SLC37A1: variants seen among roughly 807,000 people sequenced by gnomAD.
SLC37A1 encodes the protein solute carrier family 37 member 1, also known as glucose-6-phosphate exchanger SLC37A1.
SLC37A1 carries 49 observed loss-of-function variants against 75.3 expected under a neutral mutation model. The ratio of observed to expected loss-of-function variants is 0.65; its 90% confidence interval spans 0.52 to 0.83. The LOEUF is 0.83. Among genes scored for constraint, SLC37A1 ranks in the 40% least tolerant of loss-of-function variants. The pLI is 0.00. For synonymous variants in SLC37A1, 268 were observed against 292.1 expected (o/e 0.92, Z 0.84); for missense variants, 566 against 695.0 (o/e 0.81, Z 2.09).
rs539175665 is a variant in SLC37A1, at chr21:42,543,418, T to C, written c.564-18T>C. 2 of 1,614,178 alleles carry C rather than the reference T, an allele frequency of 1.2e-6. No homozygotes were observed. The highest frequency in any genetic ancestry group is 1.7e-5 in the Admixed American group (1 of 60,034). On this transcript the variant is annotated intron_variant, in intron 7 of 19. Coordinates refer to ENST00000352133, the MANE Select transcript of SLC37A1 (RefSeq NM_001320537.2). ...CTTCTCAGCTCCATCTTCTGTCTTC[T>C]GTTTTGTTGTGCTGCAGGAGAGGTT...
At position 42,530,654 on chromosome 21, in the gene SLC37A1, A is replaced by ACACACACCCCCCC. The variant is rs1161313598; in HGVS notation, c.139-4043_139-4042insACACACCCCCCCC. 2.8e-4 allele frequency among the ~76,000 whole-genome samples: 10 copies of ACACACACCCCCCC among 35,892 alleles called. 1 individual carries two copies. The highest frequency in any genetic ancestry group is 4.7e-4 in the Non-Finnish European group (9 of 19,104). 23.5% of individuals were successfully genotyped at this position (35,892 alleles called of 152,430 possible). ...CACACACACACACACACACACACAC[A>ACACACACCCCCCC]CCCCCTCTGTGTTGGCTGAAGGTGG... On this transcript the variant is annotated intron_variant, in intron 3 of 19. Coordinates refer to ENST00000352133, the MANE Select transcript of SLC37A1 (RefSeq NM_001320537.2).
intron 17 of SLC37A1, among the ~76,000 whole-genome samples, chr21:42,570,620 G>T (rs1243194692): frequency 6.6e-6 from 1 of 152,246 alleles, no homozygotes; most frequent in Non-Finnish European, 1.5e-5. Context: ...TGACTCTGCT[G>T]TGAAACCCTG....
upstream of SLC37A1, among the ~76,000 whole-genome samples, chr21:42,511,618 T>C (rs2054433943): frequency 6.6e-6 from 1 of 152,160 alleles, no homozygotes; most frequent in South Asian, 2.1e-4. Flanking sequence ...AGACCCTGTG[T>C]CTACAAAATT....
intron 8 of SLC37A1, among the ~76,000 whole-genome samples, chr21:42,546,110 C>G (rs189936424): frequency 6.6e-6 from 1 of 152,170 alleles, no homozygotes; most frequent in African/African-American, 2.4e-5. Context: ...CCAGTTTCAT[C>G]CAAGGTGATA....
Position 42,580,445 on chromosome 21 carries a change from T to G in SLC37A1, c.*85T>G, listed in dbSNP as rs1181946369. On this transcript the variant is annotated 3_prime_UTR_variant, in exon 20 of 20. Coordinates refer to ENST00000352133, the MANE Select transcript of SLC37A1 (RefSeq NM_001320537.2). Reference sequence around the variant, plus strand: ...GACAGTTCAGACAAAGGGCCCTGCATGGAAAGAGTGACCTCCCTTTGCCTT... The same window carrying G: ...GACAGTTCAGACAAAGGGCCCTGCAGGGAAAGAGTGACCTCCCTTTGCCTT... 2 of 1,460,920 alleles carry G rather than the reference T, an allele frequency of 1.4e-6. No homozygotes were observed. Among genetic ancestry groups the G allele is most frequent in the African/African-American group, 2.8e-5 (2 of 71,284 alleles). The allele number at this position is 1,460,920 out of a possible 1,614,324, so 90.5% of individuals were successfully genotyped here.
upstream of SLC37A1, among the ~76,000 whole-genome samples, chr21:42,510,703 A>G (rs1042665601): frequency 7.2e-5 from 11 of 152,202 alleles, no homozygotes; most frequent in African/African-American, 2.7e-4. Context: ...CCAAATAGAG[A>G]GCAAAAAAGA....
intron 14 of SLC37A1, 57 bp downstream of exon 14, chr21:42,564,850 T>G: frequency 6.7e-7 from 1 of 1,489,688 alleles, no homozygotes; most frequent in Non-Finnish European, 9.2e-7. Context: ...CCCACTGTCC[T>G]CCTCGCCAGC....
At chr21:42,560,217 T>A (rs1479130310) in intron 11 of SLC37A1, among the ~76,000 whole-genome samples, 1 of 152,166 alleles carries the variant, frequency 6.6e-6, no homozygotes, top group Non-Finnish European at 1.5e-5. Flanking sequence ...TCTAAGGAGC[T>A]GTGCACAGGG....
chr21:42,562,726 G>A (rs2055862589), intron 12 of SLC37A1, among the ~76,000 whole-genome samples: 1 of 152,138 alleles, frequency 6.6e-6, no homozygotes, highest in Non-Finnish European at 1.5e-5. Flanking sequence ...GAGATGAACA[G>A]TGCTTAAGGG....
At chr21:42,576,020 T>A in intron 18 of SLC37A1, 1 of 917,032 alleles carries the variant, frequency 1.1e-6, no homozygotes, top group Non-Finnish European at 1.3e-6. Context: ...TTTTGATGCT[T>A]AGCCAAACTC....
chr21:42,553,829 T>C (rs373085483), intron 9 of SLC37A1, among the ~76,000 whole-genome samples: 67 of 152,368 alleles, frequency 4.4e-4, no homozygotes, highest in African/African-American at 1.6e-3. Context: ...TATTTTTACA[T>C]TTGATTACAC....
chr21:42,542,605 C>T (rs549713739), intron 7 of SLC37A1, 125 bp downstream of exon 7: 118 of 915,128 alleles, frequency 1.3e-4, no homozygotes, highest in Non-Finnish European at 1.8e-4. Flanking sequence ...TGGCTGAAAC[C>T]TCTGGGGCTT....
intron 7 of SLC37A1, 87 bp from the exon 8 acceptor site, chr21:42,543,349 C>T: frequency 1.3e-6 from 2 of 1,512,816 alleles, no homozygotes; most frequent in Non-Finnish European, 1.8e-6. Flanking sequence ...CGACTCCCTA[C>T]TTTGCAGGCA....
At chr21:42,524,947 C>T (rs538047368) in intron 2 of SLC37A1, among the ~76,000 whole-genome samples, 5 of 152,148 alleles carry the variant, frequency 3.3e-5, no homozygotes, top group African/African-American at 9.7e-5. Flanking sequence ...GGACTCCACC[C>T]GTGGACCTCT....
At chr21:42,518,848 A>G (rs1337606258) in intron 2 of SLC37A1, among the ~76,000 whole-genome samples, 2 of 152,254 alleles carry the variant, frequency 1.3e-5, no homozygotes, top group African/African-American at 4.8e-5. Context: ...TAACTTATAT[A>G]TAAGTTACAC....
chr21:42,516,043 G>A (rs1460220073), intron 1 of SLC37A1, among the ~76,000 whole-genome samples: 1 of 152,216 alleles, frequency 6.6e-6, no homozygotes, highest in Non-Finnish European at 1.5e-5. Context: ...GCAGGCATGA[G>A]CCACCATGCC....
intron 2 of SLC37A1, among the ~76,000 whole-genome samples, chr21:42,507,350 T>G (rs1049889132): frequency 5.3e-5 from 8 of 152,200 alleles, no homozygotes; most frequent in African/African-American, 1.9e-4. Context: ...ATGGCCACAG[T>G]GAGTGCTGAG....
chr21:42,530,654 A>ACACACACCCCCC lies in SLC37A1; in HGVS notation c.139-4043_139-4042insACACACCCCCCC, dbSNP rs1161313598. ...CACACACACACACACACACACACAC[A>ACACACACCCCCC]CCCCCTCTGTGTTGGCTGAAGGTGG... On this transcript the variant is annotated intron_variant, in intron 3 of 19. Coordinates refer to ENST00000352133, the MANE Select transcript of SLC37A1 (RefSeq NM_001320537.2). Among the ~76,000 whole-genome samples the ACACACACCCCCC allele has an allele frequency of 2.0e-3, 71 of 35,880 alleles. 1 individual carries two copies. The highest frequency in any genetic ancestry group is 3.0e-3 in the Non-Finnish European group (58 of 19,102). 23.5% of individuals were successfully genotyped at this position (35,880 alleles called of 152,430 possible). A position where few individuals can be genotyped will look rare whatever the true frequency, so the allele number is the denominator to read the frequency against.
chr21:42,571,623 T>A (rs909266569), intron 17 of SLC37A1, among the ~76,000 whole-genome samples: 5 of 152,112 alleles, frequency 3.3e-5, no homozygotes, highest in Admixed American at 6.5e-5. Flanking sequence ...CATCTGAACG[T>A]CATCAGCTGT....
Sources: gnomAD v4.1 joint callset for allele counts (sites outside exome capture counted in the v4.1 genomes callset) on GRCh38, gnomAD v4.1.1 for gene constraint, MANE v1.5 for transcripts, NCBI Gene and HGNC (gene_info 2026-07-23, HGNC 2026-07-21) for gene names.